Variants in LRRC52 observed in about 807,000 individuals in gnomAD.
LRRC52 encodes leucine-rich repeat-containing protein 52.
A neutral mutation model predicts 14.7 loss-of-function variants in LRRC52; 15 were observed. The ratio of observed to expected loss-of-function variants is 1.02; its 90% CI spans 0.68 to 1.58. The LOEUF (loss-of-function observed/expected upper bound fraction) is 1.58, where lower values mean the gene tolerates loss of function less well. Among genes scored for constraint, LRRC52 ranks in the 40% most tolerant of loss-of-function variants. The pLI is 0.00. For missense variants in LRRC52, 400 were observed against 387.7 expected, an observed-to-expected ratio of 1.03 and a Z score of -0.27; for synonymous variants, 180 against 163.9, an observed-to-expected ratio of 1.10 and a Z score of -0.75.
rs539159053 is a variant in LRRC52, at chr1:165,545,673, A to G, written c.622+755A>G. On this transcript the variant is annotated intron_variant, in intron 1 of 1. Coordinates refer to ENST00000294818, the MANE Select transcript of LRRC52 (RefSeq NM_001005214.4). Reference sequence around the variant, plus strand: ...TTTCCAAGCTCCTTGCCACCACTCTACCCGCTGTCCTCACCCGGCCTGCCA... The same window carrying G: ...TTTCCAAGCTCCTTGCCACCACTCTGCCCGCTGTCCTCACCCGGCCTGCCA... Among the ~76,000 whole-genome samples the G allele has an allele frequency of 1.4e-3, 214 of 152,070 alleles. 1 individual carries two copies. The highest frequency in any genetic ancestry group is 4.9e-3 in the African/African-American group (202 of 41,504).
At chr1:165,547,394 G>A (rs1257476072) in intron 1 of LRRC52, among the ~76,000 whole-genome samples, 5 of 152,066 alleles carry the variant, frequency 3.3e-5, no homozygotes, top group Non-Finnish European at 7.4e-5. Context: ...AAATGATCTT[G>A]AGATCATTTT....
At chr1:165,556,210 C>T (rs943357966) in intron 1 of LRRC52, among the ~76,000 whole-genome samples, 1 of 152,180 alleles carries the variant, frequency 6.6e-6, no homozygotes, top group Non-Finnish European at 1.5e-5. Flanking sequence ...AAGCTTTTTG[C>T]CTCTGAATCA....
At chr1:165,555,465 G>C (rs1661215164) in intron 1 of LRRC52, among the ~76,000 whole-genome samples, 1 of 152,220 alleles carries the variant, frequency 6.6e-6, no homozygotes, top group Non-Finnish European at 1.5e-5. Context: ...AGGGTAGATA[G>C]GCCATGGAGA....
chr1:165,555,697 G>T (rs190666479), intron 1 of LRRC52, among the ~76,000 whole-genome samples: 1 of 152,224 alleles, frequency 6.6e-6, no homozygotes, highest in Non-Finnish European at 1.5e-5. Context: ...TAAGAATCAG[G>T]ATACATTTTG....
At chr1:165,557,700 C>T (rs1266629167) in intron 1 of LRRC52, among the ~76,000 whole-genome samples, 1 of 151,876 alleles carries the variant, frequency 6.6e-6, no homozygotes, top group Non-Finnish European at 1.5e-5. Flanking sequence ...GGACTGGGGC[C>T]TAAAAGAAAA....
At chr1:165,550,053 A>G (rs1473459095) in intron 1 of LRRC52, among the ~76,000 whole-genome samples, 1 of 152,216 alleles carries the variant, frequency 6.6e-6, no homozygotes, top group African/African-American at 2.4e-5. Flanking sequence ...CAGACTGAAA[A>G]CAGACCCACA....
At chr1:165,563,088 G>A (rs1349901922) in intron 1 of LRRC52, among the ~76,000 whole-genome samples, 3 of 152,122 alleles carry the variant, frequency 2.0e-5, no homozygotes, top group Admixed American at 2.0e-4. Context: ...GCAAGAGGGA[G>A]GTGACTGGTA....
At chr1:165,549,044 C>T (rs285436) in intron 1 of LRRC52, among the ~76,000 whole-genome samples, 141,437 of 151,986 alleles carry the variant, frequency 0.93, 66,108 homozygotes, top group East Asian at 1. Context: ...CTAATCCATA[C>T]AAAAATGGGG....
intron 1 of LRRC52, among the ~76,000 whole-genome samples, chr1:165,556,715 G>C (rs1167800353): frequency 6.6e-6 from 1 of 152,228 alleles, no homozygotes; most frequent in Non-Finnish European, 1.5e-5. Flanking sequence ...TTGCATGACA[G>C]CTGGGCAATG....
At chr1:165,559,563 A>G (rs985515749) in intron 1 of LRRC52, among the ~76,000 whole-genome samples, 1 of 152,230 alleles carries the variant, frequency 6.6e-6, no homozygotes, top group Non-Finnish European at 1.5e-5. Context: ...GAAAATCAGT[A>G]CACCACCACA....
chr1:165,546,999 A>G (rs1661032649), intron 1 of LRRC52, among the ~76,000 whole-genome samples: 1 of 152,140 alleles, frequency 6.6e-6, no homozygotes, highest in Admixed American at 6.5e-5. Context: ...ACGTACCCAC[A>G]ACTGCTAATT....
In LRRC52 at chr1:165,544,156, T is replaced by C. The variant is rs970509499; in HGVS notation, c.-141T>C. On this transcript the variant is annotated 5_prime_UTR_variant, in exon 1 of 2. An upstream start codon of the reference 5' UTR is lost. Transcript: ENST00000294818. ...CAATTTCTGTTCAGTTCTCCTGTAA[T>C]GGAAAATTGCTTTGCACAAAGCTAA... 5 of 1,074,492 alleles carry C rather than the reference T, an allele frequency of 4.7e-6. No individual in the cohort carries two copies. Among genetic ancestry groups the C allele is most frequent in the East Asian group, 4.9e-5 (2 of 40,596 alleles). 66.6% of individuals were successfully genotyped at this position (1,074,492 alleles called of 1,614,324 possible). A position where few individuals can be genotyped will look rare whatever the true frequency, so the allele number is the denominator to read the frequency against.
intron 1 of LRRC52, among the ~76,000 whole-genome samples, chr1:165,545,394 A>G (rs546318185): frequency 7.8e-4 from 119 of 152,258 alleles, no homozygotes; most frequent in African/African-American, 2.5e-3. Context: ...AGTCATTCAT[A>G]TAGGATTATG....
chr1:165,544,659 C>A lies in LRRC52; in HGVS notation c.363C>A (p.Phe121Leu), dbSNP rs1660978617. The A allele has an allele frequency of 6.2e-7, 1 of 1,613,998 alleles. No individual in the cohort carries two copies. ...NNLTSISPFT[F>L]SVLSNLVQLN... ...TAACCTCGATCTCCCCATTCACTTT[C>A]TCGGTGCTCAGCAACCTGGTGCAGC... The change falls in exon 1 of 2, where the codon TTC becomes TTA. Residue 121 changes from phenylalanine (F) to leucine (L), a missense_variant. Physicochemically the swap from Phe to Leu is conservative, Grantham distance 22. Coordinates refer to ENST00000294818, the MANE Select transcript of LRRC52 (RefSeq NM_001005214.4).
intron 1 of LRRC52, among the ~76,000 whole-genome samples, chr1:165,561,479 C>G (rs1177374266): frequency 2.0e-5 from 3 of 152,194 alleles, no homozygotes; most frequent in Non-Finnish European, 4.4e-5. Flanking sequence ...GAGCCCCATG[C>G]CCAGGCCTCC....
intron 1 of LRRC52, among the ~76,000 whole-genome samples, chr1:165,545,258 T>C (rs574808747): frequency 6.6e-6 from 1 of 152,250 alleles, no homozygotes; most frequent in South Asian, 2.1e-4. Context: ...ATGATGTGTG[T>C]AGAAATGATG....
Position 165,544,126 on chromosome 1 carries a change from C to A in LRRC52, c.-171C>A. The A allele has an allele frequency of 1.3e-6, 1 of 796,468 alleles. No homozygotes were observed. Among genetic ancestry groups the A allele is most frequent in the Non-Finnish European group, 2.0e-6 (1 of 511,850 alleles). 49.3% of individuals were successfully genotyped at this position (796,468 alleles called of 1,614,324 possible). A position where few individuals can be genotyped will look rare whatever the true frequency, so the allele number is the denominator to read the frequency against. On this transcript the variant is annotated 5_prime_UTR_variant, in exon 1 of 2. Transcript: ENST00000294818. ...CTGGGCGGCAGGGCATTGAGCCTCG[C>A]GTTTCAATTTCTGTTCAGTTCTCCT...
chr1:165,563,108 G>C (rs1459516995), intron 1 of LRRC52, among the ~76,000 whole-genome samples: 3 of 152,126 alleles, frequency 2.0e-5, no homozygotes, highest in African/African-American at 7.2e-5. Flanking sequence ...AAAGAACAGA[G>C]AGATGTCAAC....
intron 1 of LRRC52, among the ~76,000 whole-genome samples, chr1:165,559,004 G>A (rs1661291863): frequency 6.6e-6 from 1 of 152,212 alleles, no homozygotes; most frequent in African/African-American, 2.4e-5. Context: ...TAGAGATAAT[G>A]AGAGATATTG....
Sources: allele counts gnomAD v4.1 joint callset (sites outside exome capture counted in the v4.1 genomes callset), GRCh38; gene constraint gnomAD v4.1.1; transcripts MANE v1.5; gene names NCBI Gene and HGNC (gene_info 2026-07-23, HGNC 2026-07-21).